MTTP: variants seen among roughly 807,000 people sequenced by gnomAD.
The protein encoded by MTTP is microsomal triglyceride transfer protein, also known as microsomal triglyceride transfer protein large subunit.
Under a neutral mutation model 90.6 loss-of-function variants are expected in MTTP, and 49 were observed. That is an observed-to-expected ratio of 0.54 (90% CI 0.43 to 0.69). The LOEUF is 0.69. Ranked by LOEUF, MTTP falls within the 30% of genes least tolerant of loss-of-function variation. MTTP has a pLI of 0.00. For missense variants in MTTP, 945 were observed against 1,067.5 expected (o/e 0.89, Z 1.60); for synonymous variants, 347 against 384.2 (o/e 0.90, Z 1.13).
intron 16 of MTTP, among the ~76,000 whole-genome samples, chr4:99,619,438 A>G (rs1726178053): frequency 6.6e-6 from 1 of 152,142 alleles, no homozygotes; most frequent in Non-Finnish European, 1.5e-5. Flanking sequence ...TGTTGTCTTC[A>G]GTGGGGAAAA....
intron 10 of MTTP, among the ~76,000 whole-genome samples, chr4:99,603,581 A>G (rs143466244): frequency 0.013 from 1,966 of 152,212 alleles, 20 homozygotes; most frequent in South Asian, 0.035. Context: ...AAGAGATAAG[A>G]ATCCAGGTGA....
chr4:99,605,671 T>C (rs1725797094), intron 10 of MTTP, among the ~76,000 whole-genome samples: 1 of 152,192 alleles, frequency 6.6e-6, no homozygotes, highest in Non-Finnish European at 1.5e-5. Context: ...TCATCAGCAA[T>C]TTATGAAAAG....
At position 99,606,801 on chromosome 4, in the gene MTTP, A is replaced by G; in HGVS notation, c.1398A>G (p.Lys466=). ...LILGGLEKAE[K]KEDTRMYLLA... ...TGGGAGGACTTGAAAAAGCAGAGAA[A>G]AAAGAGGACACCAGGATGTATCTGC... The change falls in exon 11 of 18, where the codon AAA becomes AAG. Residue 466 remains lysine, a synonymous_variant. Transcript: ENST00000265517. 1 of 1,614,056 alleles carries G rather than the reference A, an allele frequency of 6.2e-7. No homozygotes were observed. Among genetic ancestry groups the G allele is most frequent in the Non-Finnish European group, 8.5e-7 (1 of 1,180,004 alleles).
chr4:99,587,331 T>A (rs925684094), intron 3 of MTTP, among the ~76,000 whole-genome samples: 1 of 152,132 alleles, frequency 6.6e-6, no homozygotes, highest in African/African-American at 2.4e-5. Flanking sequence ...TTTTTCTAGT[T>A]CTGGGGAAGC....
intron 12 of MTTP, 57 bp from the exon 13 acceptor site, chr4:99,611,086 C>G (rs890238544): frequency 6.5e-7 from 1 of 1,546,440 alleles, no homozygotes; most frequent in Non-Finnish European, 8.9e-7. Context: ...CCAAATTTGA[C>G]TTGGGAAACA....
chr4:99,607,229 A>G (rs1429998038), intron 11 of MTTP, among the ~76,000 whole-genome samples: 2 of 152,222 alleles, frequency 1.3e-5, no homozygotes, highest in Non-Finnish European at 2.9e-5. Flanking sequence ...ATTTACTTTT[A>G]TAAGTTTTAA....
rs1309834325 is a variant in MTTP at position 99,597,106 on chromosome 4, C to G, written c.949C>G (p.Pro317Ala). 1 of 1,613,934 alleles carries G rather than the reference C, an allele frequency of 6.2e-7. No individual in the cohort carries two copies. The highest frequency in any genetic ancestry group is 2.2e-5 in the East Asian group (1 of 44,874). ...LWRSTRKYLQ[P>A]DNLSKAEAVR... is the part of the protein sequence containing the mutation. ...GCGGTCCACCAGGAAATACCTGCAG[C>G]CTGACAACCTTTCCAAGGCTGAGGC... Residue 317 changes from proline to alanine, a missense_variant, in exon 8 of 18, where the codon CCT (proline) becomes GCT (alanine). Transcript: ENST00000265517.
intron 11 of MTTP, among the ~76,000 whole-genome samples, chr4:99,608,380 G>A (rs1725870265): frequency 6.6e-6 from 1 of 152,172 alleles, no homozygotes; most frequent in Non-Finnish European, 1.5e-5. Flanking sequence ...GGGAAGCGGA[G>A]GTTGCAGTGA....
Position 99,582,064 on chromosome 4 carries a change from G to A in MTTP, c.221G>A (p.Gly74Asp). The A allele has an allele frequency of 6.2e-7, 1 of 1,614,164 alleles. No individual in the cohort carries two copies. Among genetic ancestry groups the A allele is most frequent in the Middle Eastern group, 1.6e-4 (1 of 6,062 alleles). The change falls in exon 2 of 18, where the codon GGT becomes GAT. Residue 74 changes from glycine to aspartate, a missense_variant. Physicochemically the swap from Gly to Asp is moderately conservative, Grantham distance 94. Transcript: ENST00000265517. ...GCCTTACTATGGAGGAATCCTGATG[G>A]TGATGATGACCAGTTGATCCAAATA... ...DVALLWRNPD[G>D]DDDQLIQITM...
chr4:99,567,982 G>GTGGATGAAAAC (rs1724743634), intron 1 of MTTP, among the ~76,000 whole-genome samples: 2 of 152,060 alleles, frequency 1.3e-5, no homozygotes, highest in South Asian at 4.1e-4. Flanking sequence ...GCAAAAAAAA[G>GTGGATGAAAAC]TGGATGAAAA....
intron 12 of MTTP, 58 bp downstream of exon 12, chr4:99,609,035 G>A (rs1725890318): frequency 2.1e-6 from 3 of 1,428,796 alleles, no homozygotes; most frequent in African/African-American, 2.8e-5. Flanking sequence ...TGTTCATGGG[G>A]TACCGATGTA....
upstream of MTTP, chr4:99,574,786 A>C (rs1724913475): frequency 6.3e-7 from 1 of 1,597,108 alleles, no homozygotes; most frequent in Non-Finnish European, 8.5e-7. Context: ...ACCTTTCCCC[A>C]AAGATAAACA....
intron 11 of MTTP, 130 bp from the exon 12 acceptor site, chr4:99,608,636 T>C: frequency 1.3e-6 from 1 of 787,042 alleles, no homozygotes; most frequent in African/African-American, 1.7e-5. Context: ...CCCCACCAAA[T>C]CACAAAGGAA....
At chr4:99,618,557 A>G (rs925335192) in intron 15 of MTTP, among the ~76,000 whole-genome samples, 2 of 152,210 alleles carry the variant, frequency 1.3e-5, no homozygotes, top group Non-Finnish European at 1.5e-5. Flanking sequence ...GGCTTGTTAA[A>G]ACATAGATTG....
Position 99,619,026 on chromosome 4 carries a change from T to C in MTTP, c.2270T>C (p.Leu757Pro). 6.2e-7 allele frequency: 1 copy of C among 1,613,696 alleles called. No homozygotes were observed. Among genetic ancestry groups the C allele is most frequent in the Non-Finnish European group, 8.5e-7 (1 of 1,179,654 alleles). The part of the protein sequence containing the change: ...LKANIEVQGG[L>P]AIDISGAMEF... ...GCCAATATAGAGGTCCAGGGTGGTC[T>C]AGCTATTGATATTTCAGGTGCAATG... The change falls in exon 16 of 18, where the codon CTA becomes CCA. Residue 757 changes from leucine to proline, a missense_variant. Transcript: ENST00000265517.
upstream of MTTP, among the ~76,000 whole-genome samples, chr4:99,571,611 T>C (rs1428515703): frequency 6.6e-6 from 1 of 151,934 alleles, no homozygotes. Flanking sequence ...TTTTTGGAGT[T>C]TTAGATTCCC....
chr4:99,598,404 G>T (rs138979235), intron 8 of MTTP, among the ~76,000 whole-genome samples: 61 of 152,120 alleles, frequency 4.0e-4, no homozygotes, highest in Non-Finnish European at 6.9e-4. Flanking sequence ...GAATAATTAG[G>T]TATTAATTTA....
chr4:99,572,163 A>G (rs1724854927), upstream of MTTP, among the ~76,000 whole-genome samples: 1 of 151,948 alleles, frequency 6.6e-6, no homozygotes, highest in Admixed American at 6.6e-5. Flanking sequence ...TTATTTATCA[A>G]TGCAAATGGA....
chr4:99,604,767 A>G (rs926669480), intron 10 of MTTP, among the ~76,000 whole-genome samples: 2 of 151,958 alleles, frequency 1.3e-5, no homozygotes, highest in African/African-American at 4.8e-5. Flanking sequence ...TCATCATTCT[A>G]TTTTCCTTCT....
Sources: gnomAD v4.1 joint callset for allele counts (sites outside exome capture counted in the v4.1 genomes callset) on GRCh38, gnomAD v4.1.1 for gene constraint, MANE v1.5 for transcripts, NCBI Gene and HGNC (gene_info 2026-07-23, HGNC 2026-07-21) for gene names.